EYS: variants seen among roughly 807,000 people sequenced by gnomAD.
EYS encodes EGF-like photoreceptor maintenance factor.
In EYS, 250 loss-of-function variants were observed where a neutral mutation model predicts 282.1. That is an observed-to-expected ratio of 0.89 (90% CI 0.80 to 0.98). The LOEUF is 0.98. Ranked by LOEUF, EYS falls within the 50% of genes least tolerant of loss-of-function variation. The probability of loss-of-function intolerance (pLI) is 0.00; values close to 1 mark genes in which losing one functional copy is unlikely to be tolerated. For synonymous variants in EYS, 1,355 were observed against 1,282.9 expected (o/e 1.06, Z -1.20); for missense variants, 4,016 against 3,709.0 (o/e 1.08, Z -2.15).
chr6:65,329,504 TG>T (rs1420704579), intron 11 of EYS: 1 of 979,386 alleles, frequency 1.0e-6, no homozygotes. Context: ...CTTGATCTAG[TG>T]GTTTCAAGAC....
chr6:65,242,629 C>A (rs937911478), intron 12 of EYS, among the ~76,000 whole-genome samples: 11 of 152,008 alleles, frequency 7.2e-5, no homozygotes, highest in Non-Finnish European at 8.8e-5. Context: ...TTCTTCAGAA[C>A]ATGGAAGAAT....
intron 7 of EYS, 55 bp from the exon 8 acceptor site, chr6:65,384,555 AG>A: frequency 1.1e-6 from 1 of 895,440 alleles, no homozygotes; most frequent in Non-Finnish European, 1.8e-6. Context: ...TTTTCAGAAA[AG>A]CCTATTAACA....
In EYS at chr6:64,912,531, G is replaced by A; in HGVS notation, c.2594C>T (p.Thr865Ile). Residue 865 changes from threonine (T) to isoleucine (I), a missense_variant, in exon 16 of 43, where the codon ACA (threonine) becomes ATA (isoleucine). Physicochemically the swap from Thr to Ile is moderately conservative, Grantham distance 89. Coordinates refer to ENST00000503581, the MANE Select transcript of EYS (RefSeq NM_001142800.2). ...LLHNPCRNNS[T>I]CLALVDANQH... The stretch of plus-strand genomic sequence containing the variant: ...ATTTGCGTCTACCAAAGCTAAGCAT[G>A]TTGAGTTGTTTCTGCAAGGGTTATG... 3 of 1,551,224 alleles carry A rather than the reference G, an allele frequency of 1.9e-6. No individual in the cohort carries two copies. The highest frequency in any genetic ancestry group is 2.6e-6 in the Non-Finnish European group (3 of 1,146,622).
intron 12 of EYS, among the ~76,000 whole-genome samples, chr6:65,150,508 A>C (rs1764586739): frequency 6.6e-6 from 1 of 151,944 alleles, no homozygotes; most frequent in South Asian, 2.1e-4. Flanking sequence ...TAACCCCAGA[A>C]TACCAGTATA....
chr6:65,648,921 T>C (rs922565412), intron 1 of EYS, among the ~76,000 whole-genome samples: 1 of 151,260 alleles, frequency 6.6e-6, no homozygotes, highest in Non-Finnish European at 1.5e-5. Flanking sequence ...GAGGAGAAGG[T>C]AGATCACGGG....
chr6:63,852,283 A>C (rs547300060), intron 36 of EYS, among the ~76,000 whole-genome samples: 1 of 152,208 alleles, frequency 6.6e-6, no homozygotes, highest in African/African-American at 2.4e-5. Flanking sequence ...CACAATAAAA[A>C]ATGAGAAAGG....
intron 29 of EYS, among the ~76,000 whole-genome samples, chr6:64,344,396 G>C (rs1428283922): frequency 3.3e-5 from 5 of 151,948 alleles, no homozygotes; most frequent in African/African-American, 1.2e-4. Flanking sequence ...TGCAAGGCTG[G>C]TTCAACATAC....
At chr6:65,449,202 A>T (rs1189594113) in intron 5 of EYS, among the ~76,000 whole-genome samples, 1 of 151,962 alleles carries the variant, frequency 6.6e-6, no homozygotes, top group Non-Finnish European at 1.5e-5. Context: ...GATGTTCTCA[A>T]TTACCTATTG....
chr6:65,621,697 G>T (rs774265861), intron 2 of EYS, among the ~76,000 whole-genome samples: 6 of 151,962 alleles, frequency 3.9e-5, no homozygotes, highest in African/African-American at 1.5e-4. Flanking sequence ...GGTATTGGTT[G>T]TTCCTTTCCA....
chr6:65,569,954 G>A (rs1280032231), intron 2 of EYS, among the ~76,000 whole-genome samples: 2 of 152,058 alleles, frequency 1.3e-5, no homozygotes, highest in Non-Finnish European at 2.9e-5. Context: ...CAGGCAAAAT[G>A]AACCTGTTGA....
At chr6:65,185,388 G>A (rs1765493586) in intron 12 of EYS, among the ~76,000 whole-genome samples, 1 of 151,776 alleles carries the variant, frequency 6.6e-6, no homozygotes, top group African/African-American at 2.4e-5. Flanking sequence ...CACCAGCTCT[G>A]AAATCTTAGT....
chr6:64,706,690 T>A (rs1176588033), intron 22 of EYS, among the ~76,000 whole-genome samples: 1 of 151,996 alleles, frequency 6.6e-6, no homozygotes, highest in East Asian at 1.9e-4. Flanking sequence ...GATATACAAA[T>A]GGCCAACAAA....
chr6:63,989,329 G>C (rs1414165105), intron 34 of EYS, among the ~76,000 whole-genome samples: 2 of 151,628 alleles, frequency 1.3e-5, no homozygotes, highest in Non-Finnish European at 3.0e-5. Context: ...GTTGGATAAA[G>C]TGTTTCAGAA....
chr6:64,813,209 TA>T (rs1449187200), intron 22 of EYS, among the ~76,000 whole-genome samples, 168 bp downstream of exon 22: 1 of 152,028 alleles, frequency 6.6e-6, no homozygotes, highest in Admixed American at 6.6e-5. Flanking sequence ...TTGGAAAATA[TA>T]AACAATGACA....
intron 2 of EYS, among the ~76,000 whole-genome samples, chr6:65,567,400 G>A (rs950431466): frequency 4.0e-5 from 6 of 151,102 alleles, no homozygotes; most frequent in African/African-American, 1.2e-4. Flanking sequence ...TAAAAGAGAA[G>A]TAAAAATTTT....
intron 1 of EYS, among the ~76,000 whole-genome samples, chr6:65,706,382 T>C (rs1769879410): frequency 6.6e-6 from 1 of 152,096 alleles, no homozygotes; most frequent in Admixed American, 6.6e-5. Context: ...TTTAAGCTCA[T>C]TAAAGTCATA....
At chr6:64,476,175 A>T (rs866867129) in intron 26 of EYS, among the ~76,000 whole-genome samples, 1 of 152,134 alleles carries the variant, frequency 6.6e-6, no homozygotes, top group African/African-American at 2.4e-5. Flanking sequence ...CCTGGACAAC[A>T]ATAGTTAATT....
intron 19 of EYS, among the ~76,000 whole-genome samples, chr6:64,865,347 G>T (rs1482559779): frequency 6.6e-6 from 1 of 152,080 alleles, no homozygotes; most frequent in Non-Finnish European, 1.5e-5. Flanking sequence ...AAAGAGGAAG[G>T]ACTATAGGAG....
At chr6:64,682,521 G>C (rs765606670) in intron 22 of EYS, among the ~76,000 whole-genome samples, 11 of 152,264 alleles carry the variant, frequency 7.2e-5, no homozygotes, top group Non-Finnish European at 1.0e-4. Flanking sequence ...TGTTCATTAA[G>C]AGACAAAATG....
Sources: allele counts gnomAD v4.1 joint callset (sites outside exome capture counted in the v4.1 genomes callset), GRCh38; gene constraint gnomAD v4.1.1; transcripts MANE v1.5; gene names NCBI Gene and HGNC (gene_info 2026-07-23, HGNC 2026-07-21).